TGS1: variants seen among roughly 807,000 people sequenced by gnomAD.
TGS1 encodes trimethylguanosine synthase 1.
A neutral mutation model predicts 92.2 loss-of-function variants in TGS1; 69 were observed. The ratio of observed to expected loss-of-function variants is 0.75; its 90% confidence interval spans 0.62 to 0.91. The LOEUF (loss-of-function observed/expected upper bound fraction) is 0.91, where lower values mean the gene tolerates loss of function less well. Among genes scored for constraint, TGS1 ranks in the 40% least tolerant of loss-of-function variants. The probability of loss-of-function intolerance (pLI) is 0.00; values close to 1 mark genes in which losing one functional copy is unlikely to be tolerated. For synonymous variants in TGS1, 345 were observed against 338.1 expected, an observed-to-expected ratio of 1.02 and a Z score of -0.22; for missense variants, 1,062 against 1,001.2, an observed-to-expected ratio of 1.06 and a Z score of -0.82.
intron 1 of TGS1, among the ~76,000 whole-genome samples, chr8:55,775,812 G>C (rs1242456334): frequency 2.0e-5 from 3 of 151,732 alleles, no homozygotes; most frequent in African/African-American, 7.3e-5. Context: ...TGGGGGAGGG[G>C]GACCCACCTT....
chr8:55,806,887 T>C (rs534391973), intron 10 of TGS1, among the ~76,000 whole-genome samples: 1 of 152,236 alleles, frequency 6.6e-6, no homozygotes, highest in South Asian at 2.1e-4. Flanking sequence ...CTTTATGACT[T>C]TGGACATCAT....
At position 55,799,100 on chromosome 8, in the gene TGS1, T is replaced by C. The variant is rs1325473058; in HGVS notation, c.1729T>C (p.Ser577Pro). Reference protein sequence around the residue: ...NPEPEKCQSVSSAGELETENY... With the variant: ...NPEPEKCQSVPSAGELETENY... ...AGAACCTGAAAAGTGTCAGAGCGTA[T>C]CTTCAGCTGGTGAACTTGAAACAGA... The change falls in exon 8 of 13, where the codon TCT becomes CCT. Residue 577 changes from serine to proline, a missense_variant. By Grantham distance (74) the Ser-to-Pro change is moderately conservative (BLOSUM62 -1). Transcript: ENST00000260129. 6.2e-7 allele frequency: 1 copy of C among 1,614,046 alleles called. No individual in the cohort carries two copies. Among genetic ancestry groups the C allele is most frequent in the African/African-American group, 1.3e-5 (1 of 74,918 alleles).
chr8:55,801,733 C>G (rs1812222075), intron 8 of TGS1, among the ~76,000 whole-genome samples: 1 of 151,312 alleles, frequency 6.6e-6, no homozygotes, highest in African/African-American at 2.4e-5. Context: ...GGATTACAGG[C>G]ACCTACCACC....
chr8:55,776,353 T>A (rs923297245), intron 1 of TGS1, among the ~76,000 whole-genome samples: 1 of 148,522 alleles, frequency 6.7e-6, no homozygotes, highest in Non-Finnish European at 1.5e-5. Flanking sequence ...AGATCTCTGC[T>A]CACTGCAAGC....
intron 12 of TGS1, among the ~76,000 whole-genome samples, chr8:55,815,709 CTAAT>C (rs1480248373): frequency 6.6e-6 from 1 of 152,056 alleles, no homozygotes; most frequent in Non-Finnish European, 1.5e-5. Context: ...AGAGGTGATG[CTAAT>C]TGTTTCCTGT....
chr8:55,793,487 CAAAAA>C (rs879329833), intron 6 of TGS1, among the ~76,000 whole-genome samples: 2 of 151,526 alleles, frequency 1.3e-5, no homozygotes, highest in East Asian at 3.9e-4. Flanking sequence ...GTGAGACTCT[CAAAAA>C]AAAGAGTTTG....
intron 2 of TGS1, 76 bp from the exon 3 acceptor site, chr8:55,785,643 G>C: frequency 1.7e-6 from 2 of 1,172,072 alleles, no homozygotes; most frequent in Non-Finnish European, 2.3e-6. Flanking sequence ...CTGGATCTCA[G>C]GTTTTTTTAA....
chr8:55,814,831 G>A (rs1803433614), intron 12 of TGS1, among the ~76,000 whole-genome samples: 2 of 139,750 alleles, frequency 1.4e-5, no homozygotes, highest in African/African-American at 5.6e-5. Context: ...GAGTGAGACT[G>A]TCTAAAAAAA....
intron 10 of TGS1, among the ~76,000 whole-genome samples, chr8:55,809,726 T>A (rs1585786657): frequency 6.6e-6 from 1 of 152,340 alleles, no homozygotes; most frequent in South Asian, 2.1e-4. Context: ...TGAGCCACCG[T>A]GCCCAGCCAG....
intron 12 of TGS1, among the ~76,000 whole-genome samples, chr8:55,815,762 A>G (rs1328568813): frequency 2.6e-5 from 4 of 151,992 alleles, no homozygotes; most frequent in Admixed American, 1.3e-4. Context: ...TATTACCTCA[A>G]TCTTCTATTC....
intron 7 of TGS1, 117 bp downstream of exon 7, chr8:55,796,269 T>A (rs1812047182): frequency 9.8e-6 from 2 of 203,716 alleles, no homozygotes; most frequent in Non-Finnish European, 1.8e-5. Flanking sequence ...AGGTACATAA[T>A]TTTTTTTTTT....
intron 10 of TGS1, among the ~76,000 whole-genome samples, chr8:55,808,908 G>A (rs778562382): frequency 1.7e-4 from 26 of 152,158 alleles, no homozygotes; most frequent in Non-Finnish European, 3.5e-4. Context: ...TATCCCCGTA[G>A]GATAGTTGAG....
At chr8:55,813,535 T>C (rs1443681417) in intron 12 of TGS1, among the ~76,000 whole-genome samples, 2 of 152,266 alleles carry the variant, frequency 1.3e-5, no homozygotes, top group Non-Finnish European at 2.9e-5. Context: ...ACATATCTGC[T>C]TTGTGCCAGA....
chr8:55,813,942 GTTGTTT>G (rs1167392587), intron 12 of TGS1, among the ~76,000 whole-genome samples: 6 of 151,784 alleles, frequency 4.0e-5, no homozygotes, highest in East Asian at 1.9e-4. Context: ...TTTTTTTGTT[GTTGTTT>G]TTGTTTTTGT....
At chr8:55,817,898 CA>C (rs1202851492) in intron 12 of TGS1, among the ~76,000 whole-genome samples, 1 of 152,206 alleles carries the variant, frequency 6.6e-6, no homozygotes, top group Admixed American at 6.5e-5. Flanking sequence ...TATACATCTA[CA>C]GCATAGGAGC....
intron 9 of TGS1, among the ~76,000 whole-genome samples, chr8:55,803,671 TTTC>T (rs1428859366): frequency 6.6e-6 from 1 of 151,370 alleles, no homozygotes; most frequent in East Asian, 1.9e-4. Flanking sequence ...TTTCTTTTCT[TTTC>T]TTTTTATTTT....
intron 8 of TGS1, among the ~76,000 whole-genome samples, chr8:55,800,324 T>G (rs1203647485): frequency 1.3e-5 from 2 of 152,244 alleles, no homozygotes; most frequent in East Asian, 3.8e-4. Flanking sequence ...ATGTGTCTTA[T>G]TCTCATTTAA....
chr8:55,804,884 C>T lies in TGS1; in HGVS notation c.2000-9C>T. 1.2e-6 allele frequency: 2 copies of T among 1,612,472 alleles called. No individual in the cohort carries two copies. Among genetic ancestry groups the T allele is most frequent in the Non-Finnish European group, 1.7e-6 (2 of 1,178,966 alleles). On this transcript the variant is annotated splice_polypyrimidine_tract_variant and intron_variant, in intron 9 of 12. Coordinates refer to ENST00000260129, the MANE Select transcript of TGS1 (RefSeq NM_024831.8). ...TGAACATGCTAACACAAATACTCTTCCTTTGCAGAGGGCTGGTTTTCAGTT... is the reference window on the plus strand; with the variant it reads ...TGAACATGCTAACACAAATACTCTTTCTTTGCAGAGGGCTGGTTTTCAGTT...
At chr8:55,795,697 A>G (rs894517177) in intron 6 of TGS1, among the ~76,000 whole-genome samples, 3 of 152,064 alleles carry the variant, frequency 2.0e-5, no homozygotes, top group Admixed American at 6.6e-5. Flanking sequence ...TTGTTTTACT[A>G]TTTATTTATT....
Sources: allele counts gnomAD v4.1 joint callset (sites outside exome capture counted in the v4.1 genomes callset), GRCh38; gene constraint gnomAD v4.1.1; transcripts MANE v1.5; gene names NCBI Gene and HGNC (gene_info 2026-07-23, HGNC 2026-07-21).